DYNLRB1: variants seen among roughly 807,000 people sequenced by gnomAD.
DYNLRB1 encodes the protein ROBL/LC7-like 1.
DYNLRB1 carries 6 observed loss-of-function variants against 13.5 expected under a neutral mutation model. The observed-to-expected ratio is 0.44, with a 90% CI of 0.24 to 0.88. DYNLRB1 has a LOEUF of 0.88. Among genes scored for constraint, DYNLRB1 ranks in the 40% least tolerant of loss-of-function variants. The pLI, the probability that DYNLRB1 is intolerant of heterozygous loss-of-function variation, is 0.21. For missense variants in DYNLRB1, 93 were observed against 127.2 expected, an observed-to-expected ratio of 0.73 and a Z score of 1.29; for synonymous variants, 43 against 45.0, an observed-to-expected ratio of 0.96 and a Z score of 0.18.
At chr20:34,516,308 C>G, upstream of DYNLRB1, 1 of 1,266,152 alleles carries the variant, frequency 7.9e-7, no homozygotes, top group Non-Finnish European at 1.1e-6. Flanking sequence ...AGAATCCTGG[C>G]GGAGCCAAGA....
rs113792309 is a variant in DYNLRB1, at chr20:34,528,983, T to TA, written c.79+2653dup. ...AGCACAGAGCAAGACCTTGTCTCTT[T>TA]AAAAAAAAAAAAACAAAAAGTAACA... is the stretch of plus-strand genomic sequence containing the variant. On this transcript the variant is annotated intron_variant, in intron 2 of 3. Coordinates refer to ENST00000357156, the MANE Select transcript of DYNLRB1 (RefSeq NM_014183.4). 8.3e-3 allele frequency among the ~76,000 whole-genome samples: 1,170 copies of TA among 141,278 alleles called. 6 individuals carry two copies. Among genetic ancestry groups the TA allele is most frequent in the African/African-American group, 0.018 (679 of 38,672 alleles). 92.7% of individuals were successfully genotyped at this position (141,278 alleles called of 152,430 possible). A position where few individuals can be genotyped will look rare whatever the true frequency, so the allele number is the denominator to read the frequency against.
chr20:34,529,762 A>T, intron 2 of DYNLRB1: 1 of 1,187,770 alleles, frequency 8.4e-7, no homozygotes, highest in Non-Finnish European at 1.1e-6. Context: ...TTTCCAAGTC[A>T]GCAGAGCCCT....
At chr20:34,539,860 C>T (rs556035376) in intron 3 of DYNLRB1, among the ~76,000 whole-genome samples, 39 of 151,816 alleles carry the variant, frequency 2.6e-4, no homozygotes, top group Non-Finnish European at 4.9e-4. Flanking sequence ...GTCCCAGCTA[C>T]ATGGGAGGCT....
intron 2 of DYNLRB1, among the ~76,000 whole-genome samples, chr20:34,527,679 C>A (rs1258966345): frequency 6.6e-6 from 1 of 152,182 alleles, no homozygotes; most frequent in Non-Finnish European, 1.5e-5. Flanking sequence ...TGTGTGTTTA[C>A]GAAGCACCCC....
At chr20:34,516,941 G>T in intron 1 of DYNLRB1, 1 of 1,370,370 alleles carries the variant, frequency 7.3e-7, no homozygotes, top group East Asian at 2.9e-5. Context: ...GAGAAGCCAA[G>T]TGCTTTGCCC....
chr20:34,529,889 C>A, intron 2 of DYNLRB1: 3 of 1,524,140 alleles, frequency 2.0e-6, no homozygotes, highest in Non-Finnish European at 1.8e-6. Flanking sequence ...GAGACAGGAG[C>A]AGGCCCCCTG....
intron 2 of DYNLRB1, chr20:34,529,785 G>A: frequency 7.6e-7 from 1 of 1,316,968 alleles, no homozygotes; most frequent in Non-Finnish European, 9.8e-7. Flanking sequence ...CAAGCACAGA[G>A]CTAGACAGAA....
chr20:34,540,500 A>G, intron 3 of DYNLRB1, 81 bp from the exon 4 acceptor site: 5 of 1,346,158 alleles, frequency 3.7e-6, no homozygotes, highest in Non-Finnish European at 5.2e-6. Flanking sequence ...ATGGTTAGTG[A>G]TTTAATGGTT....
intron 1 of DYNLRB1, among the ~76,000 whole-genome samples, chr20:34,520,094 A>G (rs1008561516): frequency 3.9e-5 from 6 of 152,316 alleles, no homozygotes; most frequent in Middle Eastern, 3.4e-3. Context: ...AGGCCAGTGC[A>G]CTCCAGCCTG....
At chr20:34,516,373 C>A, upstream of DYNLRB1, 1 of 1,578,410 alleles carries the variant, frequency 6.3e-7, no homozygotes, top group Non-Finnish European at 8.6e-7. Context: ...TAGAGCTGTC[C>A]GTTTTGACAG....
At chr20:34,529,851 G>C (rs1568601569) in intron 2 of DYNLRB1, 1 of 1,516,676 alleles carries the variant, frequency 6.6e-7, no homozygotes, top group Non-Finnish European at 8.8e-7. Flanking sequence ...TTCATTTACA[G>C]GAGGCTGGGA....
At chr20:34,530,366 G>A in intron 2 of DYNLRB1, 1 of 833,528 alleles carries the variant, frequency 1.2e-6, no homozygotes, top group Non-Finnish European at 1.4e-6. Flanking sequence ...TTGGGCATAA[G>A]CCACTTTCTC....
At chr20:34,518,390 A>G (rs1263918911) in intron 1 of DYNLRB1, among the ~76,000 whole-genome samples, 1 of 152,120 alleles carries the variant, frequency 6.6e-6, no homozygotes, top group African/African-American at 2.4e-5. Context: ...TACAGGTAAT[A>G]CTTGCACACA....
At chr20:34,530,142 C>A (rs1185363999) in intron 2 of DYNLRB1, 1 of 1,221,278 alleles carries the variant, frequency 8.2e-7, no homozygotes, top group East Asian at 3.3e-5. Context: ...CACATGAACT[C>A]ACAAAGGAGA....
chr20:34,516,088 T>A (rs1979141196), upstream of DYNLRB1, among the ~76,000 whole-genome samples: 1 of 152,004 alleles, frequency 6.6e-6, no homozygotes, highest in Admixed American at 6.6e-5. Context: ...AGAGAAGGGG[T>A]CTCTCCATGT....
At position 34,534,648 on chromosome 20, in the gene DYNLRB1, A is replaced by G. The variant is rs1366576538; in HGVS notation, c.100A>G (p.Met34Val). The change falls in exon 3 of 4, where the codon ATG becomes GTG. Residue 34 changes from methionine to valine, a missense_variant. Met to Val is a conservative substitution (Grantham distance 21). Coordinates refer to ENST00000357156, the MANE Select transcript of DYNLRB1 (RefSeq NM_014183.4). Reference protein sequence around the residue: ...NTEGIPIKSTMDNPTTTQYAS... With the variant: ...NTEGIPIKSTVDNPTTTQYAS... ...CTCAGGCATTCCCATCAAGAGCACC[A>G]TGGACAACCCCACCACCACCCAGTA... 4 of 1,574,594 alleles carry G rather than the reference A, an allele frequency of 2.5e-6. No individual in the cohort carries two copies. The highest frequency in any genetic ancestry group is 1.3e-5 in the African/African-American group (1 of 74,284).
chr20:34,535,656 G>A lies in DYNLRB1; in HGVS notation c.247+861G>A, dbSNP rs1164602690. The A allele has an allele frequency of 4.1e-6, 4 of 985,202 alleles. No homozygotes were observed. In the African/African-American group the frequency reaches 7.0e-5, roughly 17 times the overall value. 61.0% of individuals were successfully genotyped at this position (985,202 alleles called of 1,614,324 possible). On this transcript the variant is annotated intron_variant, in intron 3 of 3. Coordinates refer to ENST00000357156, the MANE Select transcript of DYNLRB1 (RefSeq NM_014183.4). ...TTGGCTGAGCCACATAGTTGAGTGTGCGTGCGTCACGTATGCGCGTGATGG... is the reference window on the plus strand; with the variant it reads ...TTGGCTGAGCCACATAGTTGAGTGTACGTGCGTCACGTATGCGCGTGATGG...
intron 1 of DYNLRB1, among the ~76,000 whole-genome samples, chr20:34,525,164 C>A (rs1215700109): frequency 2.6e-5 from 4 of 151,914 alleles, no homozygotes; most frequent in Non-Finnish European, 5.9e-5. Flanking sequence ...GTGCTGTCTC[C>A]ACCCAGTGTT....
At chr20:34,535,713 G>A (rs985779958) in intron 3 of DYNLRB1, 1 of 985,376 alleles carries the variant, frequency 1.0e-6, no homozygotes, top group Non-Finnish European at 1.2e-6. Flanking sequence ...CTTATCTAGG[G>A]CATCAGGATG....
Sources: allele counts gnomAD v4.1 joint callset (sites outside exome capture counted in the v4.1 genomes callset), GRCh38; gene constraint gnomAD v4.1.1; transcripts MANE v1.5; gene names NCBI Gene and HGNC (gene_info 2026-07-23, HGNC 2026-07-21).